KLF12: variants seen among roughly 807,000 people sequenced by gnomAD.
The protein encoded by KLF12 is KLF transcription factor 12.
A neutral mutation model predicts 37.8 loss-of-function variants in KLF12; 9 were observed. That is an observed-to-expected ratio of 0.24 (90% CI 0.14 to 0.42). The LOEUF (loss-of-function observed/expected upper bound fraction) is 0.42, where lower values mean the gene tolerates loss of function less well. KLF12 is among the 10% of genes least tolerant of loss of function. The pLI is 1.00. For missense variants in KLF12, 411 were observed against 516.0 expected (o/e 0.80, Z 1.97); for synonymous variants, 208 against 202.1 (o/e 1.03, Z -0.25).
chr13:73,894,285 A>C (rs1055625694), intron 3 of KLF12, among the ~76,000 whole-genome samples: 1 of 152,220 alleles, frequency 6.6e-6, no homozygotes, highest in African/African-American at 2.4e-5. Flanking sequence ...GATGTCTACA[A>C]ACCATGCACA....
chr13:73,926,529 A>G (rs946102395), intron 3 of KLF12, among the ~76,000 whole-genome samples: 2 of 152,170 alleles, frequency 1.3e-5, no homozygotes, highest in African/African-American at 4.8e-5. Context: ...CTTAATTGCA[A>G]TATTTGCTTT....
At chr13:74,200,783 C>T in the KLF12 span, among the ~76,000 whole-genome samples, 1 of 152,072 alleles carries the variant, frequency 6.6e-6, no homozygotes, top group Non-Finnish European at 1.5e-5. Flanking sequence ...AACTAAAAAA[C>T]TGAGCGAATG....
chr13:74,130,394 C>A (rs922267167), intron 1 of KLF12, among the ~76,000 whole-genome samples: 7 of 152,122 alleles, frequency 4.6e-5, no homozygotes, highest in Non-Finnish European at 8.8e-5. Context: ...TTGTAGCCAG[C>A]GCAGTCGCTG....
chr13:73,967,080 T>A (rs1262789161), intron 2 of KLF12, among the ~76,000 whole-genome samples: 1 of 152,202 alleles, frequency 6.6e-6, no homozygotes, highest in Non-Finnish European at 1.5e-5. Context: ...CTAATTTTGT[T>A]TTCTAATACC....
the KLF12 span, among the ~76,000 whole-genome samples, chr13:74,216,217 T>TA: frequency 4.4e-4 from 67 of 152,252 alleles, 2 homozygotes; most frequent in East Asian, 7.9e-3. Flanking sequence ...CTCTTTTTGT[T>TA]AAAAAAACTT....
chr13:73,986,299 T>C (rs1891827213), intron 2 of KLF12, among the ~76,000 whole-genome samples: 1 of 152,242 alleles, frequency 6.6e-6, no homozygotes, highest in Non-Finnish European at 1.5e-5. Context: ...GAAATTTTAA[T>C]ATTATCACTT....
intron 3 of KLF12, among the ~76,000 whole-genome samples, chr13:73,930,594 T>C (rs1222984641): frequency 6.6e-6 from 1 of 152,206 alleles, no homozygotes; most frequent in Non-Finnish European, 1.5e-5. Flanking sequence ...TTTTTAGTAG[T>C]TCATGTTTAA....
chr13:73,948,974 GTGAGCC>G, intron 2 of KLF12, among the ~76,000 whole-genome samples: 1 of 152,240 alleles, frequency 6.6e-6, no homozygotes, highest in South Asian at 2.1e-4. Context: ...CATATTTACT[GTGAGCC>G]AGATCATGTG....
the KLF12 span, among the ~76,000 whole-genome samples, chr13:74,292,817 T>C: frequency 6.6e-6 from 1 of 152,212 alleles, no homozygotes; most frequent in East Asian, 1.9e-4. Flanking sequence ...CCACTAGACA[T>C]GATTTTATGT....
chr13:73,810,982 C>CTTTCTTTCTTTT (rs1555308731), intron 5 of KLF12, among the ~76,000 whole-genome samples: 1 of 44,808 alleles, frequency 2.2e-5, no homozygotes, highest in African/African-American at 8.4e-5. Flanking sequence ...ATTTTTCTTT[C>CTTTCTTTCTTTT]TTTTTTTTTT....
chr13:74,182,720 C>T, the KLF12 span, among the ~76,000 whole-genome samples: 1 of 152,216 alleles, frequency 6.6e-6, no homozygotes, highest in Non-Finnish European at 1.5e-5. Context: ...ATAATTGATA[C>T]ATTTCCTTAT....
In KLF12 at chr13:73,729,972, G is replaced by A. The variant is rs142778796; in HGVS notation, c.870-14447C>T. On this transcript the variant is annotated intron_variant, in intron 6 of 7. Transcript: ENST00000377669. ...GTGGAAGTGTAAAGCCTCCTTCCCAGCCCCCTCCAGGATGTATGTACATTT... is the reference window on the plus strand; with the variant it reads ...GTGGAAGTGTAAAGCCTCCTTCCCAACCCCCTCCAGGATGTATGTACATTT... Among the ~76,000 whole-genome samples, 510 of 152,080 alleles carry A rather than the reference G, an allele frequency of 3.4e-3. 2 individuals are homozygous for A. The highest frequency in any genetic ancestry group is 0.011 in the African/African-American group (472 of 41,464).
intron 1 of KLF12, among the ~76,000 whole-genome samples, chr13:74,058,353 C>CTTTTTTT (rs55954411): frequency 1.4e-5 from 1 of 72,646 alleles, no homozygotes; most frequent in Non-Finnish European, 2.6e-5. Context: ...ATAATTTTAT[C>CTTTTTTT]TTTTTTTTTT....
At chr13:73,730,622 T>A (rs1876993285) in intron 6 of KLF12, among the ~76,000 whole-genome samples, 1 of 152,040 alleles carries the variant, frequency 6.6e-6, no homozygotes, top group Admixed American at 6.6e-5. Flanking sequence ...GGAGGGGGTG[T>A]CTGATTCTGT....
chr13:73,916,607 C>T (rs997654188), intron 3 of KLF12, among the ~76,000 whole-genome samples: 2 of 152,192 alleles, frequency 1.3e-5, no homozygotes, highest in African/African-American at 4.8e-5. Flanking sequence ...CTCCTATTCT[C>T]TGCCTGTAAA....
At chr13:73,893,442 C>T (rs978097666) in intron 3 of KLF12, among the ~76,000 whole-genome samples, 10 of 139,896 alleles carry the variant, frequency 7.1e-5, no homozygotes, top group Admixed American at 1.5e-4. Context: ...AGTGCAGTGG[C>T]GCGATCTCCA....
rs532921489 is a variant in KLF12 at position 74,020,207 on chromosome 13, C to T, written c.-31-25154G>A. Among the ~76,000 whole-genome samples, 4 of 152,242 alleles carry T rather than the reference C, an allele frequency of 2.6e-5. No individual in the cohort carries two copies. In the South Asian group the frequency reaches 8.3e-4, roughly 32 times the overall value. ...TGGGTTTTTTTCCAATTACACAGTG[C>T]TCGTAAATGAAAGCAACTCCCATAT... On this transcript the variant is annotated intron_variant, in intron 1 of 7. Transcript: ENST00000377669.
chr13:74,280,647 AC>A, the KLF12 span, among the ~76,000 whole-genome samples: 492 of 152,218 alleles, frequency 3.2e-3, 3 homozygotes, highest in African/African-American at 0.011. Context: ...GGTAGAAAGT[AC>A]CCTCGTGGTG....
chr13:74,004,175 A>C (rs186569250), intron 1 of KLF12, among the ~76,000 whole-genome samples: 33 of 152,290 alleles, frequency 2.2e-4, no homozygotes, highest in Non-Finnish European at 4.1e-4. Context: ...TGTGAGATAC[A>C]GGAAAGGAAA....
Sources: allele counts gnomAD v4.1 joint callset (sites outside exome capture counted in the v4.1 genomes callset), GRCh38; gene constraint gnomAD v4.1.1; transcripts MANE v1.5; gene names NCBI Gene and HGNC (gene_info 2026-07-23, HGNC 2026-07-21).